PIK3C2G: variants seen among roughly 807,000 people sequenced by gnomAD.
PIK3C2G encodes phosphatidylinositol 3-kinase C2 domain-containing subunit gamma.
Under a neutral mutation model 181.1 loss-of-function variants are expected in PIK3C2G, and 168 were observed. That is an observed-to-expected ratio of 0.93 (90% CI 0.82 to 1.05). The LOEUF (loss-of-function observed/expected upper bound fraction) is 1.05, where lower values mean the gene tolerates loss of function less well. PIK3C2G is among the 50% of genes least tolerant of loss of function. PIK3C2G has a pLI of 0.00. For missense variants in PIK3C2G, 1,869 were observed against 1,732.8 expected (o/e 1.08, Z -1.40); for synonymous variants, 573 against 592.2 (o/e 0.97, Z 0.47).
chr12:18,574,430 C>G (rs1403468381), intron 29 of PIK3C2G, among the ~76,000 whole-genome samples: 1 of 152,160 alleles, frequency 6.6e-6, no homozygotes, highest in East Asian at 1.9e-4. Flanking sequence ...TTGCTAGTTA[C>G]TAAAATGCCT....
intron 25 of PIK3C2G, among the ~76,000 whole-genome samples, chr12:18,542,508 G>A (rs1179340447): frequency 2.6e-5 from 4 of 151,698 alleles, no homozygotes; most frequent in Admixed American, 6.6e-5. Flanking sequence ...CATCGCCCAG[G>A]TATTAAGCCC....
intron 24 of PIK3C2G, among the ~76,000 whole-genome samples, chr12:18,508,019 G>A (rs929280241): frequency 2.0e-5 from 3 of 152,022 alleles, no homozygotes; most frequent in Non-Finnish European, 2.9e-5. Flanking sequence ...ACTCATAATC[G>A]GTTCTTAATA....
At chr12:18,266,688 C>A (rs960719025) in intron 1 of PIK3C2G, among the ~76,000 whole-genome samples, 17 of 152,022 alleles carry the variant, frequency 1.1e-4, no homozygotes, top group African/African-American at 3.6e-4. Flanking sequence ...TGGTATAGAA[C>A]ATATTTACTT....
rs546015901 is a variant in PIK3C2G, at chr12:18,342,850, T to C, written c.1396-477T>C. Among the ~76,000 whole-genome samples the C allele has an allele frequency of 3.0e-4, 45 of 152,156 alleles. No homozygotes were observed. The South Asian group carries it at 3.9e-3, about 13-fold the overall frequency. Reference sequence around the variant, plus strand: ...TATTTTATTTTTTCAAGTGTTAGACTATCAGATTTTTAAAAATTCCCTAAG... The same window carrying C: ...TATTTTATTTTTTCAAGTGTTAGACCATCAGATTTTTAAAAATTCCCTAAG... On this transcript the variant is annotated intron_variant, in intron 9 of 32. Coordinates refer to ENST00000538779, the MANE Select transcript of PIK3C2G (RefSeq NM_001288772.2).
intron 1 of PIK3C2G, among the ~76,000 whole-genome samples, chr12:18,271,373 TA>T (rs1444483448): frequency 6.6e-6 from 1 of 152,110 alleles, no homozygotes. Flanking sequence ...TTTTTCTAAA[TA>T]AGGTCATTTA....
chr12:18,618,420 T>C (rs1426365949), intron 31 of PIK3C2G, among the ~76,000 whole-genome samples: 1 of 152,154 alleles, frequency 6.6e-6, no homozygotes, highest in African/African-American at 2.4e-5. Context: ...TTAACTGAGA[T>C]TTGAACACCT....
At chr12:18,689,310 A>C in the PIK3C2G span, among the ~76,000 whole-genome samples, 19 of 152,296 alleles carry the variant, frequency 1.2e-4, no homozygotes, top group African/African-American at 4.6e-4. Flanking sequence ...TGAAAAACAT[A>C]ATTGAATATG....
intron 1 of PIK3C2G, among the ~76,000 whole-genome samples, chr12:18,254,558 G>A (rs1331268704): frequency 2.0e-5 from 3 of 151,940 alleles, no homozygotes; most frequent in African/African-American, 7.2e-5. Context: ...AAAATAGTCA[G>A]TTTGGGCTGG....
rs116549477 is a variant in PIK3C2G at position 18,430,054 on chromosome 12, C to T, written c.2504+6015C>T. 4.7e-3 allele frequency among the ~76,000 whole-genome samples: 711 copies of T among 152,294 alleles called. 6 individuals carry two copies. Among genetic ancestry groups the T allele is most frequent in the African/African-American group, 0.017 (687 of 41,556 alleles). On this transcript the variant is annotated intron_variant, in intron 18 of 32. Coordinates refer to ENST00000538779, the MANE Select transcript of PIK3C2G (RefSeq NM_001288772.2). ...TCCCTTCCCTATAATTCTGCTCTTA[C>T]TCCCTCATAAGATTTTTCCTGAAGA...
chr12:18,441,664 C>A (rs1410333756), intron 18 of PIK3C2G, among the ~76,000 whole-genome samples: 1 of 152,072 alleles, frequency 6.6e-6, no homozygotes, highest in African/African-American at 2.4e-5. Context: ...GTCATCTTCT[C>A]ATGACTGTGT....
Position 18,421,023 on chromosome 12 carries a change from C to G in PIK3C2G, c.2398C>G (p.Gln800Glu). 6.4e-7 allele frequency: 1 copy of G among 1,569,514 alleles called. No individual in the cohort carries two copies. Among genetic ancestry groups the G allele is most frequent in the Non-Finnish European group, 8.8e-7 (1 of 1,139,848 alleles). Residue 800 changes from glutamine to glutamate, a missense_variant, in exon 17 of 33, where the codon CAG becomes GAG. By Grantham distance (29) the Gln-to-Glu change is conservative. Transcript: ENST00000538779. ...TGATGAACTACTGGAATATCTCCCA[C>G]AGCTAGTTCAGGTAAGAATAGAAGA... ...LNDELLEYLPQLVQAVKFEWN... is the reference protein window; with the variant it reads ...LNDELLEYLPELVQAVKFEWN...
intron 8 of PIK3C2G, among the ~76,000 whole-genome samples, chr12:18,328,655 A>C (rs1951454540): frequency 6.6e-6 from 1 of 151,992 alleles, no homozygotes; most frequent in African/African-American, 2.4e-5. Flanking sequence ...TCATCACTAG[A>C]GTGAGGATAA....
intron 8 of PIK3C2G, among the ~76,000 whole-genome samples, chr12:18,331,491 C>T (rs886205643): frequency 1.3e-5 from 2 of 152,038 alleles, no homozygotes; most frequent in Non-Finnish European, 2.9e-5. Flanking sequence ...GAGTGGAACT[C>T]ACTTTCATAT....
intron 18 of PIK3C2G, among the ~76,000 whole-genome samples, chr12:18,427,833 A>T (rs1945922269): frequency 6.6e-6 from 1 of 152,118 alleles, no homozygotes; most frequent in Admixed American, 6.5e-5. Flanking sequence ...GGAGAAACTA[A>T]GAAGGAATAG....
intron 17 of PIK3C2G, among the ~76,000 whole-genome samples, chr12:18,422,933 C>T (rs967753544): frequency 1.3e-5 from 2 of 152,220 alleles, no homozygotes; most frequent in African/African-American, 4.8e-5. Context: ...TATAGTCAGA[C>T]AGCATCAGGA....
the PIK3C2G span, among the ~76,000 whole-genome samples, chr12:18,655,285 C>G: frequency 5.3e-5 from 8 of 152,102 alleles, no homozygotes; most frequent in African/African-American, 1.9e-4. Flanking sequence ...AAAATATTCC[C>G]AAAGACACAG....
chr12:18,533,947 T>C (rs1474420831), intron 24 of PIK3C2G, among the ~76,000 whole-genome samples: 9 of 136,744 alleles, frequency 6.6e-5, no homozygotes, highest in African/African-American at 1.4e-4. Context: ...ATTTCTTTTT[T>C]TTTTTTTTTT....
chr12:18,385,664 G>T (rs1592126998), intron 14 of PIK3C2G, among the ~76,000 whole-genome samples: 1 of 152,006 alleles, frequency 6.6e-6, no homozygotes. Flanking sequence ...CTCCTCCCAG[G>T]CTCAAGCAAT....
chr12:18,454,099 T>A (rs1009541710), intron 18 of PIK3C2G, among the ~76,000 whole-genome samples: 1 of 152,178 alleles, frequency 6.6e-6, no homozygotes, highest in African/African-American at 2.4e-5. Flanking sequence ...ATCTGCTTCT[T>A]TAGTTAATTC....
Sources: gnomAD v4.1 joint callset for allele counts (sites outside exome capture counted in the v4.1 genomes callset) on GRCh38, gnomAD v4.1.1 for gene constraint, MANE v1.5 for transcripts, NCBI Gene and HGNC (gene_info 2026-07-23, HGNC 2026-07-21) for gene names.